Variants in ZNF423 observed in about 807,000 individuals in gnomAD.
ZNF423 encodes the protein zinc finger protein 423.
Under a neutral mutation model 95.8 loss-of-function variants are expected in ZNF423, and 12 were observed. The observed-to-expected ratio is 0.13, with a 90% CI of 0.08 to 0.20. ZNF423 has a LOEUF of 0.20. Among genes scored for constraint, ZNF423 ranks in the 10% least tolerant of loss-of-function variants. ZNF423 has a pLI of 1.00. For synonymous variants in ZNF423, 749 were observed against 711.9 expected (o/e 1.05, Z -0.83); for missense variants, 1,316 against 1,737.1 (o/e 0.76, Z 4.31).
intron 2 of ZNF423, chr16:49,731,225 T>G: frequency 5.5e-6 from 4 of 721,068 alleles, no homozygotes; most frequent in Middle Eastern, 7.2e-4. Context: ...TGTGCACGGA[T>G]GCTGGGGGCC....
intron 3 of ZNF423, among the ~76,000 whole-genome samples, chr16:49,674,431 G>A (rs1046369792): frequency 2.0e-5 from 3 of 152,122 alleles, no homozygotes; most frequent in South Asian, 4.1e-4. Context: ...ATGTGTACAC[G>A]GTGCGTCATC....
At chr16:49,785,494 A>G (rs1471253687) in intron 2 of ZNF423, among the ~76,000 whole-genome samples, 1 of 152,266 alleles carries the variant, frequency 6.6e-6, no homozygotes, top group African/African-American at 2.4e-5. Context: ...TGATATGTGA[A>G]TTATATCTCA....
chr16:49,782,654 T>G (rs1374762699), intron 2 of ZNF423, among the ~76,000 whole-genome samples: 2 of 152,188 alleles, frequency 1.3e-5, no homozygotes, highest in Non-Finnish European at 2.9e-5. Flanking sequence ...CTGTGTCCTA[T>G]CTCTGGCCCA....
chr16:49,754,042 A>C (rs2033680661), intron 2 of ZNF423, among the ~76,000 whole-genome samples: 1 of 152,014 alleles, frequency 6.6e-6, no homozygotes, highest in African/African-American at 2.4e-5. Context: ...AAAAAAAAAA[A>C]AAAGCCAGGC....
Position 49,821,655 on chromosome 16 carries a change from C to A in ZNF423, c.41-32109G>T, listed in dbSNP as rs1009453134. 5.3e-5 allele frequency among the ~76,000 whole-genome samples: 8 copies of A among 152,166 alleles called. No homozygotes were observed. The East Asian group carries it at 1.5e-3, about 29-fold the overall frequency. ...TGTAACAAGAAGAGATTTCTCTCTT[C>A]CTTTGTTTCTCCCTGTCTCTGCCTT... On this transcript the variant is annotated intron_variant, in intron 1 of 7. Coordinates refer to ENST00000563137, the MANE Select transcript of ZNF423 (RefSeq NM_001379286.1).
At chr16:49,732,170 A>G (rs1465307917) in intron 2 of ZNF423, among the ~76,000 whole-genome samples, 2 of 152,178 alleles carry the variant, frequency 1.3e-5, no homozygotes, top group Non-Finnish European at 2.9e-5. Context: ...GCAACAGCCC[A>G]AGCACCCTAC....
chr16:49,722,709 G>A (rs968037603), intron 3 of ZNF423, among the ~76,000 whole-genome samples: 1 of 152,098 alleles, frequency 6.6e-6, no homozygotes, highest in Non-Finnish European at 1.5e-5. Flanking sequence ...TTGCAGGAGG[G>A]CTGTAGCCTC....
intron 5 of ZNF423, among the ~76,000 whole-genome samples, chr16:49,569,532 ATTACT>A (rs1970295771): frequency 6.6e-6 from 1 of 152,248 alleles, no homozygotes; most frequent in East Asian, 1.9e-4. Flanking sequence ...CCTCAGCTAG[ATTACT>A]TTAAGAGCCT....
intron 2 of ZNF423, among the ~76,000 whole-genome samples, chr16:49,754,049 A>G (rs912944743): frequency 6.7e-6 from 1 of 149,472 alleles, no homozygotes; most frequent in Non-Finnish European, 1.5e-5. Flanking sequence ...AAAAAAAGCC[A>G]GGCATTAAAA....
chr16:49,687,377 C>A (rs2031605172), intron 3 of ZNF423, among the ~76,000 whole-genome samples: 1 of 152,150 alleles, frequency 6.6e-6, no homozygotes, highest in Non-Finnish European at 1.5e-5. Flanking sequence ...TCCCCACCTA[C>A]CCCTGGGCTA....
chr16:49,511,290 G>A (rs995503396), intron 7 of ZNF423, among the ~76,000 whole-genome samples: 3 of 152,138 alleles, frequency 2.0e-5, no homozygotes, highest in Admixed American at 6.5e-5. Context: ...CCTCTAGAAC[G>A]CCTGCCTCGC....
At chr16:49,498,448 C>G (rs1029390883) in intron 7 of ZNF423, among the ~76,000 whole-genome samples, 2 of 152,178 alleles carry the variant, frequency 1.3e-5, no homozygotes, top group Admixed American at 6.5e-5. Context: ...TGGAGACCAG[C>G]CTGGAGAGGA....
At chr16:49,568,274 G>C (rs1311164884) in intron 5 of ZNF423, among the ~76,000 whole-genome samples, 1 of 152,168 alleles carries the variant, frequency 6.6e-6, no homozygotes, top group African/African-American at 2.4e-5. Flanking sequence ...CAGCTAAGGG[G>C]GTAGGATGTG....
intron 7 of ZNF423, among the ~76,000 whole-genome samples, chr16:49,519,967 G>C (rs373921219): frequency 6.6e-6 from 1 of 152,118 alleles, no homozygotes. Context: ...TCATGCCATC[G>C]GGCCTCAGCT....
chr16:49,808,653 G>C (rs376650762), intron 1 of ZNF423, among the ~76,000 whole-genome samples: 14 of 152,306 alleles, frequency 9.2e-5, no homozygotes, highest in African/African-American at 3.4e-4. Flanking sequence ...GTGCTGGGCA[G>C]AGGACAGTGG....
At chr16:49,594,860 C>T (rs938289936) in intron 5 of ZNF423, among the ~76,000 whole-genome samples, 19 of 152,200 alleles carry the variant, frequency 1.2e-4, no homozygotes, top group African/African-American at 4.6e-4. Flanking sequence ...GGAGCTACGA[C>T]AGGCACACAC....
At chr16:49,631,824 C>T (rs1037565492) in intron 4 of ZNF423, among the ~76,000 whole-genome samples, 2 of 152,214 alleles carry the variant, frequency 1.3e-5, no homozygotes, top group African/African-American at 4.8e-5. Flanking sequence ...CTCACAAACC[C>T]TCTGCAAGCT....
chr16:49,525,498 C>T lies in ZNF423; in HGVS notation c.3602-4G>A. On this transcript the variant is annotated splice_polypyrimidine_tract_variant and splice_region_variant and intron_variant, in intron 5 of 7. Transcript: ENST00000563137. The stretch of plus-strand genomic sequence containing the variant: ...CACTCGTGGTTGATGCCTTCCTCTG[C>T]AAGGAAAACCCGTGACCAGTCAGTG... 1 of 1,613,930 alleles carries T rather than the reference C, an allele frequency of 6.2e-7. No individual in the cohort carries two copies. Among genetic ancestry groups the T allele is most frequent in the Non-Finnish European group, 8.5e-7 (1 of 1,179,940 alleles).
intron 2 of ZNF423, among the ~76,000 whole-genome samples, chr16:49,787,128 G>A (rs1038824384): frequency 6.6e-6 from 1 of 152,052 alleles, no homozygotes; most frequent in Non-Finnish European, 1.5e-5. Context: ...ATGTGACATC[G>A]CCCACGTCCA....
Sources: gnomAD v4.1 joint callset for allele counts (sites outside exome capture counted in the v4.1 genomes callset) on GRCh38, gnomAD v4.1.1 for gene constraint, MANE v1.5 for transcripts, NCBI Gene and HGNC (gene_info 2026-07-23, HGNC 2026-07-21) for gene names.